The following RAD51B variants were observed in gnomAD, a reference collection of about 807,000 sequenced individuals.
RAD51B encodes DNA repair protein RAD51 homolog 2.
A neutral mutation model predicts 42.2 loss-of-function variants in RAD51B; 38 were observed. The observed-to-expected ratio is 0.90, with a 90% confidence interval of 0.70 to 1.18. RAD51B has a LOEUF of 1.18. RAD51B is among the 50% of genes most tolerant of loss of function. The probability of loss-of-function intolerance (pLI) is 0.00; values close to 1 mark genes in which losing one functional copy is unlikely to be tolerated. For missense variants in RAD51B, 373 were observed against 400.7 expected (o/e 0.93, Z 0.59); for synonymous variants, 154 against 145.2 (o/e 1.06, Z -0.43).
intron 7 of RAD51B, among the ~76,000 whole-genome samples, chr14:67,925,931 C>T (rs2044490868): frequency 6.6e-6 from 1 of 152,166 alleles, no homozygotes; most frequent in Admixed American, 6.5e-5. Context: ...TGCAGGGCAC[C>T]AAGACCCTGG....
chr14:68,245,315 G>A (rs536027303), intron 7 of RAD51B, among the ~76,000 whole-genome samples: 24 of 152,192 alleles, frequency 1.6e-4, no homozygotes, highest in Non-Finnish European at 3.1e-4. Context: ...AAATAGACTT[G>A]CAACTATGGT....
At chr14:67,924,429 C>T (rs911694268) in intron 7 of RAD51B, among the ~76,000 whole-genome samples, 2 of 152,172 alleles carry the variant, frequency 1.3e-5, no homozygotes, top group South Asian at 2.1e-4. Flanking sequence ...TCCATTTTTA[C>T]GCTGCTGGTA....
intron 7 of RAD51B, among the ~76,000 whole-genome samples, chr14:68,243,135 G>A (rs2080427379): frequency 1.3e-5 from 2 of 151,854 alleles, no homozygotes; most frequent in South Asian, 2.1e-4. Flanking sequence ...CTAAAACCTG[G>A]GACTATTTAA....
At chr14:68,473,720 T>A (rs968436377) in intron 10 of RAD51B, among the ~76,000 whole-genome samples, 3 of 152,212 alleles carry the variant, frequency 2.0e-5, no homozygotes, top group African/African-American at 7.2e-5. Flanking sequence ...GATTTTTTTT[T>A]TATTTACAGG....
At chr14:68,135,366 G>A (rs143195815) in intron 7 of RAD51B, among the ~76,000 whole-genome samples, 2 of 152,272 alleles carry the variant, frequency 1.3e-5, no homozygotes, top group East Asian at 3.9e-4. Context: ...ATTAGACAGT[G>A]CAGCAACGTC....
At position 68,484,533 on chromosome 14, in the gene RAD51B, A is replaced by G. The variant is rs572565531; in HGVS notation, c.1036+16283A>G. Among the ~76,000 whole-genome samples the G allele has an allele frequency of 5.9e-5, 9 of 151,692 alleles. No individual in the cohort carries two copies. In the East Asian group the frequency reaches 1.7e-3, roughly 29 times the overall value. On this transcript the variant is annotated intron_variant, in intron 10 of 10. Transcript: ENST00000487270. ...CCACCACGCCCGGCTAATTTTTTGT[A>G]TTTTTAGTAGAGACGGAGTTTCACC...
chr14:68,294,092 G>C (rs1439010835), intron 8 of RAD51B, among the ~76,000 whole-genome samples: 1 of 152,106 alleles, frequency 6.6e-6, no homozygotes, highest in African/African-American at 2.4e-5. Flanking sequence ...TTCCTTATTT[G>C]AAAATCAGTA....
intron 7 of RAD51B, among the ~76,000 whole-genome samples, chr14:68,078,005 G>T (rs559766516): frequency 1.3e-3 from 203 of 152,210 alleles, no homozygotes; most frequent in African/African-American, 4.8e-3. Flanking sequence ...TACATAAGGT[G>T]GAAGGTAAAC....
At chr14:68,530,951 G>C (rs944982459) in intron 10 of RAD51B, among the ~76,000 whole-genome samples, 1 of 152,020 alleles carries the variant, frequency 6.6e-6, no homozygotes, top group Non-Finnish European at 1.5e-5. Context: ...GTATTTACTG[G>C]GTAAAGTGTG....
intron 7 of RAD51B, among the ~76,000 whole-genome samples, chr14:68,102,249 C>G (rs1210706699): frequency 6.6e-6 from 1 of 152,208 alleles, no homozygotes; most frequent in Non-Finnish European, 1.5e-5. Context: ...GAGACATTTT[C>G]TCCATTGTCT....
intron 10 of RAD51B, among the ~76,000 whole-genome samples, chr14:68,635,847 C>G (rs1892329812): frequency 6.6e-6 from 1 of 152,298 alleles, no homozygotes; most frequent in Non-Finnish European, 1.5e-5. Context: ...GAGAGAGACC[C>G]TTTGAGAAGA....
At chr14:68,421,705 A>G (rs539184575) in intron 9 of RAD51B, 1 of 1,584,028 alleles carries the variant, frequency 6.3e-7, no homozygotes, top group Admixed American at 1.7e-5. Context: ...AACTTATTCG[A>G]GTTGTCCACA....
At chr14:68,650,399 C>T (rs957592585) in intron 10 of RAD51B, among the ~76,000 whole-genome samples, 4 of 152,206 alleles carry the variant, frequency 2.6e-5, no homozygotes, top group Non-Finnish European at 5.9e-5. Flanking sequence ...GGGTGATTGT[C>T]TGTGGTCTTT....
At chr14:67,838,015 G>T (rs2041304213) in intron 4 of RAD51B, among the ~76,000 whole-genome samples, 1 of 152,024 alleles carries the variant, frequency 6.6e-6, no homozygotes, top group East Asian at 1.9e-4. Flanking sequence ...AATTTTTTTA[G>T]CTTCTACATG....
intron 4 of RAD51B, among the ~76,000 whole-genome samples, chr14:67,847,055 TC>T (rs1247228795): frequency 6.6e-6 from 1 of 152,018 alleles, no homozygotes; most frequent in Admixed American, 6.6e-5. Context: ...TCCTCAGGAG[TC>T]CTTGAGGGCC....
At chr14:68,255,103 C>T (rs928265144) in intron 7 of RAD51B, among the ~76,000 whole-genome samples, 1 of 151,298 alleles carries the variant, frequency 6.6e-6, no homozygotes, top group Non-Finnish European at 1.5e-5. Flanking sequence ...CTTTCTCATT[C>T]TCTTCTTCCT....
intron 7 of RAD51B, among the ~76,000 whole-genome samples, chr14:67,939,757 A>T (rs1566968940): frequency 6.6e-6 from 1 of 151,586 alleles, no homozygotes; most frequent in Non-Finnish European, 1.5e-5. Context: ...CATCACAGGG[A>T]CTCCAGCTTC....
At chr14:68,289,093 G>A (rs1041283892) in intron 7 of RAD51B, among the ~76,000 whole-genome samples, 1 of 152,176 alleles carries the variant, frequency 6.6e-6, no homozygotes, top group African/African-American at 2.4e-5. Flanking sequence ...AGGTACCAAA[G>A]TATATCCTGA....
At chr14:68,592,802 G>A (rs1352584401) in intron 10 of RAD51B, among the ~76,000 whole-genome samples, 1 of 152,166 alleles carries the variant, frequency 6.6e-6, no homozygotes, top group Non-Finnish European at 1.5e-5. Context: ...GATTCCCTTC[G>A]GCAAATGTGA....
Sources: gnomAD v4.1 joint callset for allele counts (sites outside exome capture counted in the v4.1 genomes callset) on GRCh38, gnomAD v4.1.1 for gene constraint, MANE v1.5 for transcripts, NCBI Gene and HGNC (gene_info 2026-07-23, HGNC 2026-07-21) for gene names.